CNTLN: variants seen among roughly 807,000 people sequenced by gnomAD.
CNTLN encodes centlein, centrosomal protein.
Under a neutral mutation model 180.0 loss-of-function variants are expected in CNTLN, and 212 were observed. The ratio of observed to expected loss-of-function variants is 1.18; its 90% CI spans 1.05 to 1.32. CNTLN has a LOEUF of 1.32. CNTLN is among the 40% of genes most tolerant of loss of function. The probability of loss-of-function intolerance (pLI) is 0.00; values close to 1 mark genes in which losing one functional copy is unlikely to be tolerated. For missense variants in CNTLN, 2,095 were observed against 1,610.9 expected, an observed-to-expected ratio of 1.30 and a Z score of -5.14; for synonymous variants, 722 against 563.1, an observed-to-expected ratio of 1.28 and a Z score of -3.99.
At chr9:17,400,483 A>C (rs982533972) in intron 15 of CNTLN, among the ~76,000 whole-genome samples, 2 of 152,162 alleles carry the variant, frequency 1.3e-5, no homozygotes, top group East Asian at 1.9e-4. Context: ...GGAACGTGGA[A>C]TCTGTTACCA....
chr9:17,279,025 A>G (rs976935450), intron 6 of CNTLN, among the ~76,000 whole-genome samples: 2 of 150,632 alleles, frequency 1.3e-5, no homozygotes, highest in Non-Finnish European at 3.0e-5. Context: ...TTTTTTCTCT[A>G]TAAGGAACAC....
At position 17,288,313 on chromosome 9, in the gene CNTLN, C is replaced by T. The variant is rs972298287; in HGVS notation, c.984-9877C>T. Reference sequence around the variant, plus strand: ...GTTGTTCAGTTTCCATGTAGTTGAGCGGCTTTGAGTGAGATTCTTAATCCT... The same window carrying T: ...GTTGTTCAGTTTCCATGTAGTTGAGTGGCTTTGAGTGAGATTCTTAATCCT... On this transcript the variant is annotated intron_variant, in intron 6 of 25. Coordinates refer to ENST00000380647, the MANE Select transcript of CNTLN (RefSeq NM_017738.4). Among the ~76,000 whole-genome samples the T allele has an allele frequency of 2.0e-3, 235 of 116,462 alleles. 34 individuals carry two copies. Among genetic ancestry groups the T allele is most frequent in the Non-Finnish European group, 3.2e-3 (186 of 57,546 alleles). The allele number at this position is 116,462 out of a possible 152,430, so 76.4% of individuals were successfully genotyped here.
intron 6 of CNTLN, among the ~76,000 whole-genome samples, chr9:17,296,265 T>A (rs998040412): frequency 4.6e-5 from 7 of 152,062 alleles, no homozygotes; most frequent in Non-Finnish European, 8.8e-5. Flanking sequence ...GTGATCCACC[T>A]GCCTCGGCCT....
intron 5 of CNTLN, among the ~76,000 whole-genome samples, chr9:17,258,453 C>T (rs534487739): frequency 1.9e-4 from 28 of 151,236 alleles, no homozygotes; most frequent in Non-Finnish European, 2.4e-4. Context: ...ATTGACTTGG[C>T]GATGCGGGCT....
rs760856569 is a variant in CNTLN at position 17,332,640 on chromosome 9, A to G, written c.1554A>G (p.Pro518=). ...PPVKRSRSLS[P]KSSFTDSEEL... is the part of the protein sequence containing the mutation. Reference sequence around the variant, plus strand: ...TGAAACGTTCAAGGTCTTTGTCCCCAAAGAGCTCTTTCACAGACTCAGAAG... The same window carrying G: ...TGAAACGTTCAAGGTCTTTGTCCCCGAAGAGCTCTTTCACAGACTCAGAAG... Residue 518 remains proline, a synonymous_variant, in exon 10 of 26, where the codon CCA becomes CCG. Coordinates refer to ENST00000380647, the MANE Select transcript of CNTLN (RefSeq NM_017738.4). 2 of 1,608,802 alleles carry G rather than the reference A, an allele frequency of 1.2e-6. No homozygotes were observed. The highest frequency in any genetic ancestry group is 1.3e-5 in the African/African-American group (1 of 74,576).
intron 2 of CNTLN, among the ~76,000 whole-genome samples, chr9:17,183,658 T>C (rs1821257366): frequency 1.3e-5 from 2 of 152,104 alleles, no homozygotes; most frequent in African/African-American, 4.8e-5. Context: ...TGGTTAATTT[T>C]TATGTTATCA....
chr9:17,413,739 A>C (rs1828025191), intron 16 of CNTLN, among the ~76,000 whole-genome samples: 1 of 152,302 alleles, frequency 6.6e-6, no homozygotes, highest in Non-Finnish European at 1.5e-5. Flanking sequence ...GGGACAGGGA[A>C]ACTGGATCTC....
chr9:17,319,262 C>G (rs1410089590), intron 8 of CNTLN, among the ~76,000 whole-genome samples: 2 of 152,162 alleles, frequency 1.3e-5, no homozygotes, highest in Non-Finnish European at 2.9e-5. Flanking sequence ...AATCTACATC[C>G]AAGCATCCTA....
In CNTLN at chr9:17,304,459, T is replaced by A. The variant is rs140011184; in HGVS notation, c.1147-4599T>A. On this transcript the variant is annotated intron_variant, in intron 7 of 25. Coordinates refer to ENST00000380647, the MANE Select transcript of CNTLN (RefSeq NM_017738.4). ...CCAACATGGTTGGGGTACTAACATGTATTTTATAACTTTTTGGTCTATTTA... is the reference window on the plus strand; with the variant it reads ...CCAACATGGTTGGGGTACTAACATGAATTTTATAACTTTTTGGTCTATTTA... Among the ~76,000 whole-genome samples the A allele has an allele frequency of 2.1e-3, 321 of 152,318 alleles. 1 individual carries two copies. Among genetic ancestry groups the A allele is most frequent in the African/African-American group, 7.3e-3 (304 of 41,584 alleles).
rs1289599391 is a variant in CNTLN, at chr9:17,188,394, C to G, written c.450-37809C>G. ...AAGATAGTTTTCAAAAACTATGACC[C>G]TTACATTTATATTGACAACATCTGT... On this transcript the variant is annotated intron_variant, in intron 2 of 25. Transcript: ENST00000380647. Among the ~76,000 whole-genome samples the G allele has an allele frequency of 2.0e-5, 3 of 152,182 alleles. No individual in the cohort carries two copies. In the East Asian group the frequency reaches 5.8e-4, roughly 29 times the overall value.
chr9:17,293,906 C>T (rs370209566), intron 6 of CNTLN, among the ~76,000 whole-genome samples: 6 of 152,158 alleles, frequency 3.9e-5, no homozygotes, highest in South Asian at 4.2e-4. Flanking sequence ...AGCACGGATC[C>T]GTGGAAAAAG....
intron 6 of CNTLN, among the ~76,000 whole-genome samples, chr9:17,281,182 G>T (rs142845397): frequency 2.6e-5 from 4 of 152,104 alleles, no homozygotes; most frequent in African/African-American, 9.6e-5. Context: ...CTACTGAGAG[G>T]TATACTCTTC....
intron 12 of CNTLN, among the ~76,000 whole-genome samples, chr9:17,348,404 G>A (rs1397096814): frequency 6.6e-6 from 1 of 152,120 alleles, no homozygotes; most frequent in East Asian, 1.9e-4. Context: ...AGGAAAAGAT[G>A]GGAGACTTAC....
chr9:17,403,272 A>C lies in CNTLN; in HGVS notation c.2616-6021A>C, dbSNP rs140969172. ...GCTTGCTTAATGGGTTCATGAACAA[A>C]GTGGCTATGGCAACAGGTATAGCTT... On this transcript the variant is annotated intron_variant, in intron 15 of 25. Coordinates refer to ENST00000380647, the MANE Select transcript of CNTLN (RefSeq NM_017738.4). Among the ~76,000 whole-genome samples the C allele has an allele frequency of 9.7e-4, 148 of 151,962 alleles. 5 individuals carry two copies. Among genetic ancestry groups the C allele is most frequent in the African/African-American group, 3.4e-3 (142 of 41,270 alleles).
At chr9:17,487,460 G>A (rs776486934) in intron 25 of CNTLN, among the ~76,000 whole-genome samples, 4 of 152,194 alleles carry the variant, frequency 2.6e-5, no homozygotes, top group Middle Eastern at 3.4e-3. Flanking sequence ...CTATGGACCT[G>A]TTTCCAGTCA....
intron 9 of CNTLN, among the ~76,000 whole-genome samples, chr9:17,331,448 A>T (rs10810761): frequency 0.51 from 77,436 of 151,562 alleles, 20,865 homozygotes; most frequent in Non-Finnish European, 0.6. Flanking sequence ...CTAAAATATC[A>T]TGTAGTACAT....
intron 18 of CNTLN, among the ~76,000 whole-genome samples, chr9:17,429,082 A>C (rs891400331): frequency 6.6e-6 from 1 of 152,070 alleles, no homozygotes; most frequent in African/African-American, 2.4e-5. Context: ...ATTTATATAG[A>C]TGTTTTAAAT....
intron 14 of CNTLN, among the ~76,000 whole-genome samples, chr9:17,390,103 G>T (rs1825979585): frequency 6.6e-6 from 1 of 152,034 alleles, no homozygotes; most frequent in Non-Finnish European, 1.5e-5. Flanking sequence ...CTCCAGGAAT[G>T]TGAGAAAATA....
intron 25 of CNTLN, among the ~76,000 whole-genome samples, chr9:17,494,377 C>T (rs891238994): frequency 6.6e-6 from 1 of 151,850 alleles, no homozygotes; most frequent in Non-Finnish European, 1.5e-5. Flanking sequence ...TTTTAATTAA[C>T]TTTTATTTTA....
Sources: allele counts gnomAD v4.1 joint callset (sites outside exome capture counted in the v4.1 genomes callset), GRCh38; gene constraint gnomAD v4.1.1; transcripts MANE v1.5; gene names NCBI Gene and HGNC (gene_info 2026-07-23, HGNC 2026-07-21).